CORO2B: variants seen among roughly 807,000 people sequenced by gnomAD.
CORO2B encodes the protein coronin 2B, also known as coronin-2B.
A neutral mutation model predicts 58.8 loss-of-function variants in CORO2B; 26 were observed. That is an observed-to-expected ratio of 0.44 (90% CI 0.32 to 0.61). The LOEUF (loss-of-function observed/expected upper bound fraction) is 0.61, where lower values mean the gene tolerates loss of function less well. Ranked by LOEUF, CORO2B falls within the 20% of genes least tolerant of loss-of-function variation. CORO2B has a pLI of 0.04. For synonymous variants in CORO2B, 242 were observed against 253.8 expected (o/e 0.95, Z 0.44); for missense variants, 460 against 645.1 (o/e 0.71, Z 3.11).
chr15:68,596,608 G>A (rs1051025472), intron 1 of CORO2B, among the ~76,000 whole-genome samples: 1 of 152,176 alleles, frequency 6.6e-6, no homozygotes, highest in Non-Finnish European at 1.5e-5. Flanking sequence ...TCGACTGACT[G>A]GGAGGACAGA....
chr15:68,675,502 T>C (rs1902552216), intron 2 of CORO2B, among the ~76,000 whole-genome samples: 1 of 152,138 alleles, frequency 6.6e-6, no homozygotes, highest in Non-Finnish European at 1.5e-5. Context: ...GAGGTGAAGT[T>C]GTAAATTCTA....
intron 2 of CORO2B, among the ~76,000 whole-genome samples, chr15:68,681,636 G>A (rs1251697581): frequency 6.6e-6 from 1 of 152,128 alleles, no homozygotes; most frequent in Non-Finnish European, 1.5e-5. Flanking sequence ...AAAGAATAAG[G>A]TTAGAGGGCA....
intron 1 of CORO2B, among the ~76,000 whole-genome samples, chr15:68,587,406 A>G (rs1483284639): frequency 6.6e-6 from 1 of 152,104 alleles, no homozygotes; most frequent in African/African-American, 2.4e-5. Flanking sequence ...TGCTCATGCT[A>G]ATTGCTGGGA....
chr15:68,629,117 C>T (rs58707488), intron 1 of CORO2B, among the ~76,000 whole-genome samples: 272 of 152,286 alleles, frequency 1.8e-3, no homozygotes, highest in African/African-American at 6.3e-3. Context: ...TGGGGAGTGC[C>T]GAATGTATCT....
intron 1 of CORO2B, among the ~76,000 whole-genome samples, chr15:68,617,630 T>C (rs565727716): frequency 6.6e-6 from 1 of 152,352 alleles, no homozygotes; most frequent in South Asian, 2.1e-4. Flanking sequence ...AGATAAACTC[T>C]AGGTCTTTCC....
chr15:68,604,332 CA>C (rs1900054680), intron 1 of CORO2B, among the ~76,000 whole-genome samples: 2 of 152,124 alleles, frequency 1.3e-5, no homozygotes, highest in African/African-American at 4.8e-5. Flanking sequence ...CCCCCACCCC[CA>C]AACCGCCTTT....
At position 68,710,742 on chromosome 15, in the gene CORO2B, G is replaced by C. The variant is rs760180049; in HGVS notation, c.344G>C (p.Trp115Ser). Reference sequence around the variant, plus strand: ...CATCTCCCTCTGCAGGTGCGGATCTGGGAGATCCCCGAGGGCGGGCTGAAG... The same window carrying C: ...CATCTCCCTCTGCAGGTGCGGATCTCGGAGATCCCCGAGGGCGGGCTGAAG... Reference protein sequence around the residue: ...SCSEDTSVRIWEIPEGGLKRN... With the variant: ...SCSEDTSVRISEIPEGGLKRN... Residue 115 changes from tryptophan (W) to serine (S), a missense_variant, in exon 4 of 12, where the codon TGG becomes TCG. Coordinates refer to ENST00000261861, the MANE Select transcript of CORO2B (RefSeq NM_006091.5). This position sits in a 1 kb window ranked among gnomAD's most constrained non-coding sequence, Gnocchi z 4.1. 6.2e-7 allele frequency: 1 copy of C among 1,607,456 alleles called. No individual in the cohort carries two copies. The highest frequency in any genetic ancestry group is 2.2e-5 in the East Asian group (1 of 44,746).
intron 2 of CORO2B, among the ~76,000 whole-genome samples, chr15:68,647,115 A>G (rs1901458220): frequency 6.6e-6 from 1 of 152,352 alleles, no homozygotes; most frequent in South Asian, 2.1e-4. Flanking sequence ...AAAGATCTAA[A>G]CATTTAAAAT....
intron 2 of CORO2B, among the ~76,000 whole-genome samples, chr15:68,672,559 G>A (rs887750371): frequency 2.6e-5 from 4 of 152,162 alleles, no homozygotes; most frequent in South Asian, 2.1e-4. Flanking sequence ...GATTACAGAC[G>A]TGAGCCAAGT....
chr15:68,700,597 C>T (rs540292807), intron 3 of CORO2B, among the ~76,000 whole-genome samples: 64 of 152,308 alleles, frequency 4.2e-4, no homozygotes, highest in Admixed American at 2.0e-3. Context: ...GCTTTGGGCC[C>T]GAGGGAGGGC....
intron 1 of CORO2B, chr15:68,631,954 A>G: frequency 1.0e-6 from 1 of 985,470 alleles, no homozygotes; most frequent in South Asian, 4.7e-5. Context: ...ATCCCTCAGC[A>G]TCGCTGGAGT....
At chr15:68,611,432 T>C (rs1398717902) in intron 1 of CORO2B, among the ~76,000 whole-genome samples, 1 of 152,204 alleles carries the variant, frequency 6.6e-6, no homozygotes, top group Non-Finnish European at 1.5e-5. Context: ...TATGACAATT[T>C]CCTACCTTTT....
At chr15:68,653,647 G>A (rs531630578) in intron 2 of CORO2B, among the ~76,000 whole-genome samples, 3 of 152,118 alleles carry the variant, frequency 2.0e-5, no homozygotes, top group African/African-American at 7.2e-5. Context: ...TCTAGAAGTT[G>A]GTGGATCATT....
At chr15:68,588,145 C>T (rs370903805) in intron 1 of CORO2B, among the ~76,000 whole-genome samples, 1 of 152,224 alleles carries the variant, frequency 6.6e-6, no homozygotes. Flanking sequence ...GTGCCCACTC[C>T]TTTCCTCTTC....
At chr15:68,638,616 A>G (rs910904174) in intron 1 of CORO2B, among the ~76,000 whole-genome samples, 4 of 152,154 alleles carry the variant, frequency 2.6e-5, no homozygotes, top group African/African-American at 9.7e-5. Flanking sequence ...GTTGAGGTGG[A>G]GAGGCTGAAG....
chr15:68,604,131 C>G (rs1255766249), intron 1 of CORO2B, among the ~76,000 whole-genome samples: 1 of 152,210 alleles, frequency 6.6e-6, no homozygotes, highest in Non-Finnish European at 1.5e-5. Flanking sequence ...ACAGTCAGCA[C>G]TCCACAGGCA....
At chr15:68,678,649 G>T (rs1300433287) in intron 2 of CORO2B, among the ~76,000 whole-genome samples, 1 of 152,164 alleles carries the variant, frequency 6.6e-6, no homozygotes, top group East Asian at 1.9e-4. Flanking sequence ...ACTCCAGCCT[G>T]GGCAAAAGAG....
At chr15:68,615,430 G>T (rs1286227766) in intron 1 of CORO2B, among the ~76,000 whole-genome samples, 1 of 152,184 alleles carries the variant, frequency 6.6e-6, no homozygotes, top group Non-Finnish European at 1.5e-5. Flanking sequence ...GATGCAAAAG[G>T]GTTTTCAAAT....
rs533771789 is a variant in CORO2B at position 68,718,840 on chromosome 15, G to A, written c.1080+30G>A. On this transcript the variant is annotated intron_variant, in intron 9 of 11. Transcript: ENST00000261861. The stretch of plus-strand genomic sequence containing the variant: ...GTGGGGCTGGGCTGGGCTCCAGGAG[G>A]GGGGCCTGCATCGCCTCTTAGCCTG... 26 of 1,570,568 alleles carry A rather than the reference G, an allele frequency of 1.7e-5. No individual in the cohort carries two copies. In the East Asian group the frequency reaches 5.4e-4, roughly 33 times the overall value.
Sources: allele counts gnomAD v4.1 joint callset (sites outside exome capture counted in the v4.1 genomes callset), GRCh38; gene constraint gnomAD v4.1.1; non-coding constraint Gnocchi (gnomAD v3.1); transcripts MANE v1.5; gene names NCBI Gene and HGNC (gene_info 2026-07-23, HGNC 2026-07-21).